Variants in WDR18 observed in about 807,000 individuals in gnomAD.
WDR18 encodes WD repeat domain 18, also known as WD repeat-containing protein 18.
Under a neutral mutation model 49.6 loss-of-function variants are expected in WDR18, and 33 were observed. The ratio of observed to expected loss-of-function variants is 0.67; its 90% CI spans 0.50 to 0.89. The LOEUF (loss-of-function observed/expected upper bound fraction) is 0.89. Ranked by LOEUF, WDR18 falls within the 40% of genes least tolerant of loss-of-function variation. WDR18 has a pLI of 0.00. For synonymous variants in WDR18, 315 were observed against 263.6 expected, an observed-to-expected ratio of 1.19 and a Z score of -1.89; for missense variants, 653 against 593.6, an observed-to-expected ratio of 1.10 and a Z score of -1.04.
At chr19:983,837 C>T (rs2038444575), upstream of WDR18, among the ~76,000 whole-genome samples, 1 of 151,652 alleles carries the variant, frequency 6.6e-6, no homozygotes, top group South Asian at 2.1e-4. Flanking sequence ...CTCAGGAGTT[C>T]GAGGCCAGCC....
chr19:988,042 C>T (rs1203340031), intron 2 of WDR18, among the ~76,000 whole-genome samples: 2 of 151,948 alleles, frequency 1.3e-5, no homozygotes, highest in East Asian at 3.9e-4. Context: ...GTTGGCCAGG[C>T]TGGTTTCGAA....
intron 8 of WDR18, among the ~76,000 whole-genome samples, 179 bp downstream of exon 8, chr19:992,300 G>A (rs1157909875): frequency 6.6e-6 from 1 of 152,190 alleles, no homozygotes; most frequent in Non-Finnish European, 1.5e-5. Flanking sequence ...CCCACTCTCA[G>A]TATGGACCCA....
chr19:985,797 C>T (rs1178639209), intron 1 of WDR18, 68 bp from the exon 2 acceptor site: 16 of 1,491,030 alleles, frequency 1.1e-5, no homozygotes, highest in East Asian at 4.5e-5. Flanking sequence ...CCCCTCCCCT[C>T]GCCCTCCACT....
chr19:984,390 TCGG>T lies in WDR18; in HGVS notation c.42_44del (p.Ala15del), dbSNP rs1194387866. ...CATGGAGGTGGCCGTGTGTACGGAC[TCGG>T]CGGCCCCGATGTGGAGCTGCATCGT... On this transcript the variant is annotated inframe_deletion, in exon 1 of 10. Coordinates refer to ENST00000585809, the MANE Select transcript of WDR18 (RefSeq NM_024100.4). 1 of 1,601,136 alleles carries T rather than the reference TCGG, an allele frequency of 6.2e-7. No homozygotes were observed. The highest frequency in any genetic ancestry group is 1.4e-5 in the African/African-American group (1 of 73,290).
chr19:987,919 C>T (rs1054725446), intron 2 of WDR18, among the ~76,000 whole-genome samples: 15 of 148,740 alleles, frequency 1.0e-4, no homozygotes, highest in African/African-American at 3.8e-4. Context: ...ACTGCAACCT[C>T]AGGCTCCCAG....
Position 994,290 on chromosome 19 carries a change from C to A in WDR18, c.1245C>A (p.Ile415=), listed in dbSNP as rs2038602322. 1.2e-6 allele frequency: 2 copies of A among 1,610,916 alleles called. No homozygotes were observed. Among genetic ancestry groups the A allele is most frequent in the African/African-American group, 2.7e-5 (2 of 74,896 alleles). ...ACGAGGTGCGCAACCTGCGCAAGAT[C>A]AATCGGGACCTGTTCGACTTCTCCA... ...LEDEVRNLRK[I]NRDLFDFSTR... is the part of the protein sequence containing the mutation. Residue 415 remains isoleucine (I), a synonymous_variant, in exon 10 of 10, where the codon ATC becomes ATA. Transcript: ENST00000585809.
At chr19:984,163 G>C (rs2038447169), upstream of WDR18, 1 of 608,428 alleles carries the variant, frequency 1.6e-6, no homozygotes, top group African/African-American at 2.0e-5. Flanking sequence ...TCTCTAAGCA[G>C]GCCGCGCGAC....
intron 9 of WDR18, 27 bp from the exon 10 acceptor site, chr19:994,186 G>A: frequency 6.3e-7 from 1 of 1,581,810 alleles, no homozygotes; most frequent in Non-Finnish European, 8.6e-7. Flanking sequence ...GGCCACTTCT[G>A]CCCTCTGACC....
chr19:986,719 G>A (rs769978630), intron 2 of WDR18, among the ~76,000 whole-genome samples: 12 of 152,250 alleles, frequency 7.9e-5, no homozygotes, highest in South Asian at 2.1e-4. Flanking sequence ...GCCCTGGTGA[G>A]GGGAAGCAGC....
chr19:990,358 G>A lies in WDR18; in HGVS notation c.591G>A (p.Thr197=), dbSNP rs771570202. 5.7e-6 allele frequency: 9 copies of A among 1,565,644 alleles called. No individual in the cohort carries two copies. The highest frequency in any genetic ancestry group is 2.3e-5 in the South Asian group (2 of 86,978). The part of the protein sequence containing the change: ...ARVATSSLDQ[T]VKLWEVSSGE... Reference sequence around the variant, plus strand: ...TGGCCACCTCCTCACTGGACCAGACGGTGAAGGTACGCCGCCCCCACCCCA... The same window carrying A: ...TGGCCACCTCCTCACTGGACCAGACAGTGAAGGTACGCCGCCCCCACCCCA... Residue 197 remains threonine, a synonymous_variant, in exon 4 of 10, where the codon ACG becomes ACA. Transcript: ENST00000585809.
chr19:992,278 G>GT (rs1337880432), intron 8 of WDR18, among the ~76,000 whole-genome samples, 157 bp downstream of exon 8: 1 of 152,208 alleles, frequency 6.6e-6, no homozygotes, highest in African/African-American at 2.4e-5. Context: ...GTGATGCTCG[G>GT]TGGGGCCTCT....
At chr19:993,603 G>A (rs988691522) in intron 8 of WDR18, among the ~76,000 whole-genome samples, 2 of 152,224 alleles carry the variant, frequency 1.3e-5, no homozygotes, top group African/African-American at 4.8e-5. Flanking sequence ...TCTGTACAGG[G>A]CAGTGGCCTT....
chr19:994,225 G>A lies in WDR18; in HGVS notation c.1180G>A (p.Gly394Ser), dbSNP rs373779863. The A allele has an allele frequency of 3.2e-5, 52 of 1,604,134 alleles. 1 individual carries two copies. In the African/African-American group the frequency reaches 5.5e-4, roughly 17 times the overall value. ...CSTMEKSVLG[G>S]QDQLRVRVTE... ...ACTTCTCCCGCAGAGCGTGCTCGGCGGCCAGGACCAGCTGCGCGTCCGTGT... is the reference window on the plus strand; with the variant it reads ...ACTTCTCCCGCAGAGCGTGCTCGGCAGCCAGGACCAGCTGCGCGTCCGTGT... The change falls in exon 10 of 10, where the codon GGC becomes AGC. Residue 394 changes from glycine to serine, a missense_variant. By Grantham distance (56) the Gly-to-Ser change is moderately conservative. Transcript: ENST00000585809.
Position 992,219 on chromosome 19 carries a change from C to T in WDR18, c.1098+98C>T, listed in dbSNP as rs1025090503. The T allele has an allele frequency of 2.7e-5, 36 of 1,346,074 alleles. 1 individual carries two copies. The South Asian group carries it at 3.4e-4, about 13-fold the overall frequency. The allele number at this position is 1,346,074 out of a possible 1,614,324, so 83.4% of individuals were successfully genotyped here. On this transcript the variant is annotated intron_variant, in intron 8 of 9. Transcript: ENST00000585809. ...TCCCTTGGTCCTGGCGCCCGTGCGGCGGTTCCCCACAAGCCCGGCACTGGA... is the reference window on the plus strand; with the variant it reads ...TCCCTTGGTCCTGGCGCCCGTGCGGTGGTTCCCCACAAGCCCGGCACTGGA...
intron 8 of WDR18, among the ~76,000 whole-genome samples, chr19:992,374 A>G (rs1396161850): frequency 5.9e-5 from 9 of 152,162 alleles, no homozygotes; most frequent in Non-Finnish European, 1.3e-4. Flanking sequence ...CACGCCCCAC[A>G]CACCAGCCTT....
Position 991,122 on chromosome 19 carries a change from C to A in WDR18, c.783C>A (p.Ala261=). 6.3e-7 allele frequency: 1 copy of A among 1,583,316 alleles called. No individual in the cohort carries two copies. The highest frequency in any genetic ancestry group is 8.6e-7 in the Non-Finnish European group (1 of 1,164,694). The change falls in exon 6 of 10, where the codon GCC becomes GCA. Residue 261 remains alanine (A), a synonymous_variant. Coordinates refer to ENST00000585809, the MANE Select transcript of WDR18 (RefSeq NM_024100.4). ...RERSFHPEQD[A]GKVFKGHRNQ... ...GGAGCTTCCACCCAGAGCAGGACGC[C>A]GGGAAGGTCTTCAAAGGGCACAGGT...
At chr19:989,383 A>C (rs907777014) in intron 2 of WDR18, among the ~76,000 whole-genome samples, 2 of 152,058 alleles carry the variant, frequency 1.3e-5, no homozygotes, top group Admixed American at 6.6e-5. Context: ...TTCCTGTTGA[A>C]TGGTGGGAGC....
In WDR18 at chr19:990,222, G is replaced by A; in HGVS notation, c.456-1G>A. 1 of 1,596,568 alleles carries A rather than the reference G, an allele frequency of 6.3e-7. No homozygotes were observed. Among genetic ancestry groups the A allele is most frequent in the African/African-American group, 1.3e-5 (1 of 74,936 alleles). The stretch of plus-strand genomic sequence containing the variant: ...CTGAGCACCTGCCCCACCCCGCTCA[G>A]CGTGCTGCAGGCCGACCCCTCCAGG... On this transcript the variant is annotated splice_acceptor_variant, in intron 3 of 9. Transcript: ENST00000585809. LOFTEE classifies it high-confidence loss of function.
At chr19:990,144 G>T in intron 3 of WDR18, 79 bp from the exon 4 acceptor site, 1 of 1,469,844 alleles carries the variant, frequency 6.8e-7, no homozygotes, top group Non-Finnish European at 9.1e-7. Context: ...AGGTGTGTGC[G>T]TGAGGTGGGT....
Sources: gnomAD v4.1 joint callset for allele counts (sites outside exome capture counted in the v4.1 genomes callset) on GRCh38, gnomAD v4.1.1 for gene constraint, MANE v1.5 for transcripts, NCBI Gene and HGNC (gene_info 2026-07-23, HGNC 2026-07-21) for gene names.